ACIN1: variants seen among roughly 807,000 people sequenced by gnomAD.
ACIN1 encodes apoptotic chromatin condensation inducer 1.
Under a neutral mutation model 146.6 loss-of-function variants are expected in ACIN1, and 16 were observed. That is an observed-to-expected ratio of 0.11 (90% CI 0.07 to 0.17). The LOEUF (loss-of-function observed/expected upper bound fraction) is 0.17. Ranked by LOEUF, ACIN1 falls within the 10% of genes least tolerant of loss-of-function variation. The pLI, the probability that ACIN1 is intolerant of heterozygous loss-of-function variation, is 1.00. For missense variants in ACIN1, 1,357 were observed against 1,609.3 expected, an observed-to-expected ratio of 0.84 and a Z score of 2.68; for synonymous variants, 569 against 582.7, an observed-to-expected ratio of 0.98 and a Z score of 0.34.
At chr14:23,063,296 CTTAA>C in intron 13 of ACIN1, 136 bp downstream of exon 13, 3 of 1,245,694 alleles carry the variant, frequency 2.4e-6, no homozygotes, top group Non-Finnish European at 3.3e-6. Flanking sequence ...AAGTAGCTTA[CTTAA>C]TATGTAGGAG....
Position 23,081,744 on chromosome 14 carries a change from T to C in ACIN1, c.525+4A>G. On this transcript the variant is annotated splice_donor_region_variant and intron_variant, in intron 5 of 18. Coordinates refer to ENST00000605057, the MANE Select transcript of ACIN1 (RefSeq NM_001386863.1). ...GGTAATGCTTTAGGAGGTATCTGAGTTACCTGTCTGACCCTAGATGATCGT... is the reference window on the plus strand; with the variant it reads ...GGTAATGCTTTAGGAGGTATCTGAGCTACCTGTCTGACCCTAGATGATCGT... 3 of 1,606,898 alleles carry C rather than the reference T, an allele frequency of 1.9e-6. No homozygotes were observed. The highest frequency in any genetic ancestry group is 2.6e-6 in the Non-Finnish European group (3 of 1,175,656).
intron 4 of ACIN1, among the ~76,000 whole-genome samples, chr14:23,084,940 T>C (rs944460790): frequency 2.6e-5 from 4 of 152,016 alleles, no homozygotes; most frequent in African/African-American, 9.7e-5. Context: ...AAATAAAAAG[T>C]TTTCATAAAT....
At chr14:23,069,946 T>C (rs1284913263) in intron 8 of ACIN1, among the ~76,000 whole-genome samples, 1 of 152,064 alleles carries the variant, frequency 6.6e-6, no homozygotes, top group East Asian at 1.9e-4. Context: ...AGAAAAACCC[T>C]CCTCTGAAAA....
chr14:23,071,388 A>G (rs772464640), intron 8 of ACIN1: 74 of 1,549,784 alleles, frequency 4.8e-5, no homozygotes, highest in Non-Finnish European at 6.3e-5. Flanking sequence ...GGAGGCTAAA[A>G]CAGATCTGGC....
chr14:23,095,384 A>G (rs1420547852), upstream of ACIN1: 1 of 1,433,644 alleles, frequency 7.0e-7, no homozygotes, highest in South Asian at 1.3e-5. Context: ...TTTGAATCGA[A>G]TATATTCGGA....
In ACIN1 at chr14:23,059,174, C is replaced by T. The variant is rs1184106229; in HGVS notation, c.3826G>A (p.Val1276Met). The stretch of plus-strand genomic sequence containing the variant: ...TAGCGGCGCCCACCCCGGTCCCGCA[C>T]AGGTGTGCTCCGACTCCGGCTTCTG... ...HSRSRSRSTP[V>M]RDRGGRR is the part of the protein sequence containing the mutation. The change falls in exon 19 of 19, where the codon GTG becomes ATG. Residue 1276 changes from valine (V) to methionine (M), a missense_variant. Val to Met is a conservative substitution (Grantham distance 21, BLOSUM62 1). This residue lies in a region of ACIN1 where 509 missense variants were observed against 719.6 expected (regional missense o/e 0.71). Coordinates refer to ENST00000605057, the MANE Select transcript of ACIN1 (RefSeq NM_001386863.1). The T allele has an allele frequency of 6.2e-7, 1 of 1,613,964 alleles. No homozygotes were observed. Among genetic ancestry groups the T allele is most frequent in the African/African-American group, 1.3e-5 (1 of 74,898 alleles).
chr14:23,071,452 G>C, intron 8 of ACIN1: 1 of 1,551,728 alleles, frequency 6.4e-7, no homozygotes, highest in Non-Finnish European at 8.7e-7. Flanking sequence ...CGGCTGGATT[G>C]GTCTCTCTGG....
rs1017540676 is a variant in ACIN1 at position 23,069,211 on chromosome 14, C to T, written c.2265+265G>A. 4 of 1,172,338 alleles carry T rather than the reference C, an allele frequency of 3.4e-6. No homozygotes were observed. The African/African-American group carries it at 4.7e-5, about 14-fold the overall frequency. The allele number at this position is 1,172,338 out of a possible 1,614,324, so 72.6% of individuals were successfully genotyped here. A position where few individuals can be genotyped will look rare whatever the true frequency, so the allele number is the denominator to read the frequency against. On this transcript the variant is annotated intron_variant, in intron 9 of 18. Transcript: ENST00000605057. ...TAAATCTTAGATAAAGGGCCATTAT[C>T]AGACTTTCCCGTTAGTTACAAACGT... is the stretch of plus-strand genomic sequence containing the variant.
chr14:23,079,614 C>A lies in ACIN1; in HGVS notation c.1721G>T (p.Arg574Ile). The change falls in exon 6 of 19, where the codon AGA (arginine) becomes ATA (isoleucine). Residue 574 changes from arginine to isoleucine, a missense_variant. Physicochemically the swap from Arg to Ile is moderately conservative, Grantham distance 97. This residue lies in a region of ACIN1 where 771 missense variants were observed against 746.6 expected (regional missense o/e 1.03). Transcript: ENST00000605057. The stretch of plus-strand genomic sequence containing the variant: ...CCTTGATCTGGACTCTGATGTTGAT[C>A]TGGAGCCCATCTTGGGTCTACCACG... ...NPRGRPKMGS[R>I]STSESRSRSR... 1 of 1,614,148 alleles carries A rather than the reference C, an allele frequency of 6.2e-7. No individual in the cohort carries two copies. The highest frequency in any genetic ancestry group is 8.5e-7 in the Non-Finnish European group (1 of 1,180,020).
At chr14:23,080,929 C>A in intron 5 of ACIN1, 120 bp from the exon 6 acceptor site, 5 of 1,479,342 alleles carry the variant, frequency 3.4e-6, no homozygotes, top group Non-Finnish European at 3.6e-6. Flanking sequence ...CTTTCAGCAA[C>A]AGAAACAGGA....
At position 23,079,785 on chromosome 14, in the gene ACIN1, T is replaced by A. The variant is rs767550918; in HGVS notation, c.1550A>T (p.Asp517Val). The A allele has an allele frequency of 1.2e-6, 2 of 1,614,168 alleles. No individual in the cohort carries two copies. The highest frequency in any genetic ancestry group is 1.1e-5 in the South Asian group (1 of 91,082). Residue 517 changes from aspartate to valine, a missense_variant, in exon 6 of 19, where the codon GAT (aspartate) becomes GTT (valine). By Grantham distance (152) the Asp-to-Val change is radical. Transcript: ENST00000605057. The stretch of plus-strand genomic sequence containing the variant: ...TGAGGAGGACCGGCTAGAGGATGAA[T>A]CAGCTGACTGTTTCAATCTGTGGCT... ...LPSHRLKQSA[D>V]SSSSRSSSSS... is the part of the protein sequence containing the mutation.
At chr14:23,063,668 C>T in intron 12 of ACIN1, 91 bp from the exon 13 acceptor site, 2 of 1,457,518 alleles carry the variant, frequency 1.4e-6, no homozygotes, top group African/African-American at 2.8e-5. Flanking sequence ...GAGTAGCAGT[C>T]AATCTAGCAT....
At chr14:23,085,206 G>A (rs2048057989) in intron 4 of ACIN1, among the ~76,000 whole-genome samples, 1 of 151,982 alleles carries the variant, frequency 6.6e-6, no homozygotes. Context: ...GTGGGGGCGG[G>A]TGCCTGCAGT....
intron 2 of ACIN1, among the ~76,000 whole-genome samples, chr14:23,091,341 G>A (rs577355175): frequency 6.6e-6 from 1 of 152,248 alleles, no homozygotes; most frequent in East Asian, 1.9e-4. Flanking sequence ...GCTCACGTCT[G>A]TAATCCCAGT....
At chr14:23,061,992 AAGG>A (rs1566731967) in intron 16 of ACIN1, among the ~76,000 whole-genome samples, 173 bp downstream of exon 16, 3 of 151,014 alleles carry the variant, frequency 2.0e-5, no homozygotes, top group African/African-American at 7.3e-5. Flanking sequence ...AAAAAAAAAA[AAGG>A]AGCCCAGGTA....
At chr14:23,090,396 G>T in intron 3 of ACIN1, 126 bp downstream of exon 3, 1 of 916,556 alleles carries the variant, frequency 1.1e-6, no homozygotes, top group Non-Finnish European at 1.6e-6. Context: ...CATGGGCTAT[G>T]AAAGCAAGTA....
intron 4 of ACIN1, among the ~76,000 whole-genome samples, chr14:23,088,739 G>A (rs2048150263): frequency 1.3e-5 from 2 of 152,148 alleles, no homozygotes; most frequent in South Asian, 2.1e-4. Flanking sequence ...TACATATTAA[G>A]TATCCCTTTT....
At chr14:23,092,321 T>C (rs1383334977) in intron 2 of ACIN1, among the ~76,000 whole-genome samples, 1 of 152,218 alleles carries the variant, frequency 6.6e-6, no homozygotes, top group African/African-American at 2.4e-5. Context: ...TCAATGGACA[T>C]TGTTGAAGGG....
Position 23,064,360 on chromosome 14 carries a change from G to A in ACIN1, c.2437C>T (p.Leu813=). ...CCTGGCTCCTCCCACCTCACCTTTA[G>A]TGATTCAGTGGTGATACTGATGGAA... is the stretch of plus-strand genomic sequence containing the variant. ...KPSISITTES[L]KSLIPDIKPL... is the part of the protein sequence containing the mutation. The change falls in exon 11 of 19, where the codon CTA becomes TTA. Residue 813 remains leucine, a synonymous_variant. Coordinates refer to ENST00000605057, the MANE Select transcript of ACIN1 (RefSeq NM_001386863.1). 1.2e-6 allele frequency: 2 copies of A among 1,614,228 alleles called. No individual in the cohort carries two copies. The highest frequency in any genetic ancestry group is 8.5e-7 in the Non-Finnish European group (1 of 1,180,040).
Sources: gnomAD v4.1 joint callset for allele counts (sites outside exome capture counted in the v4.1 genomes callset) on GRCh38, gnomAD v4.1.1 for gene constraint, gnomAD v4.1.1 regional missense constraint, MANE v1.5 for transcripts, NCBI Gene and HGNC (gene_info 2026-07-23, HGNC 2026-07-21) for gene names.